Variants in MBD5 observed in about 807,000 individuals in gnomAD.
MBD5 encodes the protein methyl-CpG binding domain protein 5.
MBD5 carries 13 observed loss-of-function variants against 117.3 expected under a neutral mutation model. The ratio of observed to expected loss-of-function variants is 0.11; its 90% CI spans 0.07 to 0.18. MBD5 has a LOEUF of 0.18. MBD5 is among the 10% of genes least tolerant of loss of function. MBD5 has a pLI of 1.00. For synonymous variants in MBD5, 727 were observed against 766.4 expected (o/e 0.95, Z 0.85); for missense variants, 1,879 against 2,093.8 (o/e 0.90, Z 2.00).
chr2:148,480,228 G>A (rs902665138), intron 8 of MBD5, among the ~76,000 whole-genome samples: 1 of 152,050 alleles, frequency 6.6e-6, no homozygotes, highest in African/African-American at 2.4e-5. Context: ...TACACCCAGA[G>A]TATCTATACT....
chr2:148,208,312 C>T (rs1221280416), intron 2 of MBD5, among the ~76,000 whole-genome samples: 1 of 152,114 alleles, frequency 6.6e-6, no homozygotes, highest in African/African-American at 2.4e-5. Flanking sequence ...AGTGCAGTGG[C>T]ATGATCTCAG....
intron 12 of MBD5, among the ~76,000 whole-genome samples, chr2:148,508,548 G>A (rs1394843460): frequency 1.3e-5 from 2 of 151,952 alleles, no homozygotes; most frequent in Non-Finnish European, 2.9e-5. Context: ...AAGACTTAAA[G>A]GAATTTATTA....
At chr2:148,103,636 C>A (rs73964325) in intron 1 of MBD5, among the ~76,000 whole-genome samples, 1,641 of 152,122 alleles carry the variant, frequency 0.011, 36 homozygotes, top group African/African-American at 0.037. Flanking sequence ...AGAGATATAC[C>A]CACCTTTTCC....
At chr2:148,445,725 A>G (rs1706484729) in intron 4 of MBD5, among the ~76,000 whole-genome samples, 1 of 151,372 alleles carries the variant, frequency 6.6e-6, no homozygotes, top group Admixed American at 6.6e-5. Context: ...GACTTCCACA[A>G]TGGTTGAACT....
intron 3 of MBD5, among the ~76,000 whole-genome samples, chr2:148,324,331 G>A (rs1446009205): frequency 1.3e-5 from 2 of 152,066 alleles, no homozygotes; most frequent in East Asian, 3.9e-4. Flanking sequence ...CTCTTTTGTG[G>A]TTCCATATGA....
intron 1 of MBD5, among the ~76,000 whole-genome samples, chr2:148,022,983 T>A (rs1338777422): frequency 6.6e-6 from 1 of 152,160 alleles, no homozygotes; most frequent in African/African-American, 2.4e-5. Flanking sequence ...TATTGGAAAG[T>A]GTTATTTTGT....
At position 148,445,844 on chromosome 2, in the gene MBD5, G is replaced by A. The variant is rs188900133; in HGVS notation, c.-556-12359G>A. The stretch of plus-strand genomic sequence containing the variant: ...TCGCCATTCTAACTGGTGTGAGATG[G>A]TATCTCACTGTGGTTTTGATTTGCA... On this transcript the variant is annotated intron_variant, in intron 4 of 13. Coordinates refer to ENST00000642680, the MANE Select transcript of MBD5 (RefSeq NM_001378120.1). 2.9e-3 allele frequency among the ~76,000 whole-genome samples: 433 copies of A among 151,470 alleles called. 9 individuals carry two copies. The highest frequency in any genetic ancestry group is 5.4e-3 in the South Asian group (26 of 4,824).
Position 148,389,357 on chromosome 2 carries a change from A to G in MBD5, c.-557+47021A>G, listed in dbSNP as rs547084079. On this transcript the variant is annotated intron_variant, in intron 4 of 13. Transcript: ENST00000642680. ...CATTGATGGCACTTAGCTTGATTCC[A>G]TGACTTTTGCTATTGTGAATAGTAT... 1.9e-4 allele frequency among the ~76,000 whole-genome samples: 26 copies of G among 137,726 alleles called. No homozygotes were observed. In the East Asian group the frequency reaches 5.3e-3, roughly 28 times the overall value. 90.4% of individuals were successfully genotyped at this position (137,726 alleles called of 152,430 possible).
chr2:148,298,113 A>G (rs1175407577), intron 3 of MBD5, among the ~76,000 whole-genome samples: 1 of 152,178 alleles, frequency 6.6e-6, no homozygotes, highest in Non-Finnish European at 1.5e-5. Flanking sequence ...GAGCTGGGGC[A>G]TGGATGCTTT....
intron 3 of MBD5, among the ~76,000 whole-genome samples, chr2:148,288,917 C>A (rs1206876541): frequency 2.6e-5 from 4 of 152,142 alleles, no homozygotes; most frequent in African/African-American, 9.7e-5. Context: ...ATTAATAAAT[C>A]TTATCCTAAC....
intron 1 of MBD5, among the ~76,000 whole-genome samples, chr2:148,157,155 T>G (rs1373672289): frequency 3.3e-5 from 5 of 152,166 alleles, no homozygotes; most frequent in Non-Finnish European, 7.3e-5. Flanking sequence ...ATTATTATTA[T>G]ACTTTAAGTT....
chr2:148,228,052 G>A (rs1425258825), intron 2 of MBD5, among the ~76,000 whole-genome samples: 1 of 152,202 alleles, frequency 6.6e-6, no homozygotes, highest in African/African-American at 2.4e-5. Flanking sequence ...CATGTCCTCT[G>A]CAAACAGGGA....
At chr2:148,294,485 A>C (rs1701588352) in intron 3 of MBD5, among the ~76,000 whole-genome samples, 1 of 109,174 alleles carries the variant, frequency 9.2e-6, no homozygotes, top group Non-Finnish European at 1.9e-5. Context: ...CGGCCTCCCA[A>C]AGTGCTGGGA....
intron 1 of MBD5, among the ~76,000 whole-genome samples, chr2:148,068,163 A>T (rs911298023): frequency 6.6e-5 from 10 of 152,122 alleles, no homozygotes; most frequent in African/African-American, 2.4e-4. Context: ...CACCTGCTTG[A>T]TGTAAATCTC....
intron 3 of MBD5, among the ~76,000 whole-genome samples, chr2:148,271,512 G>T (rs755892287): frequency 6.6e-6 from 1 of 152,090 alleles, no homozygotes; most frequent in Non-Finnish European, 1.5e-5. Flanking sequence ...TCAGCACTGT[G>T]TTATTTCTAG....
chr2:148,420,837 C>G (rs1705580788), intron 4 of MBD5, among the ~76,000 whole-genome samples: 1 of 152,096 alleles, frequency 6.6e-6, no homozygotes. Context: ...AAGTGATCCC[C>G]CACCTCAGCC....
At chr2:148,071,003 C>G (rs1223709963) in intron 1 of MBD5, 1 of 151,982 alleles carries the variant, frequency 6.6e-6, no homozygotes, top group African/African-American at 2.4e-5. Flanking sequence ...AGGCGCCCAC[C>G]ACCATGCCCA....
intron 11 of MBD5, among the ~76,000 whole-genome samples, chr2:148,499,912 A>G (rs1681821224): frequency 6.6e-6 from 1 of 152,240 alleles, no homozygotes; most frequent in Non-Finnish European, 1.5e-5. Context: ...GTAAAGTGCT[A>G]AAATCCTGAA....
At chr2:148,244,220 G>A (rs559207702) in intron 3 of MBD5, 1 of 152,192 alleles carries the variant, frequency 6.6e-6, no homozygotes, top group Non-Finnish European at 1.5e-5. Flanking sequence ...AAAGTATGGT[G>A]ACAATACCTA....
Sources: gnomAD v4.1 joint callset for allele counts (sites outside exome capture counted in the v4.1 genomes callset) on GRCh38, gnomAD v4.1.1 for gene constraint, MANE v1.5 for transcripts, NCBI Gene and HGNC (gene_info 2026-07-23, HGNC 2026-07-21) for gene names.